The following FTO variants were observed in gnomAD, a reference collection of about 807,000 sequenced individuals.
The protein encoded by FTO is FTO alpha-ketoglutarate dependent dioxygenase.
Under a neutral mutation model 63.9 loss-of-function variants are expected in FTO, and 47 were observed. The observed-to-expected ratio is 0.74, with a 90% CI of 0.58 to 0.94. The LOEUF (loss-of-function observed/expected upper bound fraction) is 0.94. FTO is among the 40% of genes least tolerant of loss of function. The pLI, the probability that FTO is intolerant of heterozygous loss-of-function variation, is 0.00. For missense variants in FTO, 562 were observed against 618.1 expected, an observed-to-expected ratio of 0.91 and a Z score of 0.96; for synonymous variants, 207 against 224.4, an observed-to-expected ratio of 0.92 and a Z score of 0.69.
At chr16:54,048,256 G>GA (rs111381976) in intron 8 of FTO, among the ~76,000 whole-genome samples, 4,002 of 133,944 alleles carry the variant, frequency 0.03, 98 homozygotes, top group Middle Eastern at 0.11. Flanking sequence ...AAAAATACTT[G>GA]AAAAAAAAAA....
At chr16:54,083,740 C>T (rs2144521656) in intron 8 of FTO, among the ~76,000 whole-genome samples, 1 of 152,294 alleles carries the variant, frequency 6.6e-6, no homozygotes. Context: ...TTCCAAAGTG[C>T]ACCACTGCCC....
chr16:53,802,798 T>C (rs1173307982), intron 1 of FTO, among the ~76,000 whole-genome samples: 6 of 152,214 alleles, frequency 3.9e-5, no homozygotes, highest in African/African-American at 1.4e-4. Context: ...TCAGGTTCAT[T>C]ATTCTTTTCT....
intron 7 of FTO, among the ~76,000 whole-genome samples, chr16:53,921,255 T>G (rs139125785): frequency 2.2e-4 from 34 of 152,248 alleles, no homozygotes; most frequent in Admixed American, 6.5e-4. Flanking sequence ...CCTTCCCCTC[T>G]CCCCCAGTGT....
chr16:54,040,274 G>C (rs1466430413), intron 8 of FTO: 1 of 151,998 alleles, frequency 6.6e-6, no homozygotes, highest in Non-Finnish European at 1.5e-5. Context: ...CCAAAAAAAG[G>C]TTTATCAGTG....
chr16:54,089,095 C>T (rs1447504891), intron 8 of FTO, among the ~76,000 whole-genome samples: 1 of 152,202 alleles, frequency 6.6e-6, no homozygotes, highest in African/African-American at 2.4e-5. Flanking sequence ...ACTGTCATTC[C>T]TCTGGACAGG....
At chr16:53,797,536 C>T (rs905672279) in intron 1 of FTO, among the ~76,000 whole-genome samples, 1 of 151,992 alleles carries the variant, frequency 6.6e-6, no homozygotes, top group Non-Finnish European at 1.5e-5. Context: ...TATGGATATA[C>T]CATAATTTCT....
chr16:53,959,866 C>G (rs2083029529), intron 8 of FTO, among the ~76,000 whole-genome samples: 1 of 151,928 alleles, frequency 6.6e-6, no homozygotes, highest in African/African-American at 2.4e-5. Context: ...AAAAGGCTTC[C>G]CAAATGGAAT....
rs2083195624 is a variant in FTO, at chr16:53,966,261, T to A, written c.1364+32152T>A. Among the ~76,000 whole-genome samples the A allele has an allele frequency of 2.6e-5, 4 of 152,224 alleles. No homozygotes were observed. In the South Asian group the frequency reaches 8.3e-4, roughly 31 times the overall value. Reference sequence around the variant, plus strand: ...TTTTTACTGTTTAATTGTCTGCCCCTACCCTGTTCTGGAGAATCTTGTACC... The same window carrying A: ...TTTTTACTGTTTAATTGTCTGCCCCAACCCTGTTCTGGAGAATCTTGTACC... On this transcript the variant is annotated intron_variant, in intron 8 of 8. Transcript: ENST00000471389.
intron 1 of FTO, among the ~76,000 whole-genome samples, chr16:53,733,644 T>A (rs943221076): frequency 1.3e-5 from 2 of 152,302 alleles, no homozygotes; most frequent in South Asian, 4.1e-4. Flanking sequence ...AAGGCTTTTT[T>A]AAGAGAGTAA....
At chr16:53,878,598 A>G (rs977446356) in intron 5 of FTO, among the ~76,000 whole-genome samples, 4 of 152,208 alleles carry the variant, frequency 2.6e-5, no homozygotes, top group Non-Finnish European at 5.9e-5. Flanking sequence ...CTCAGTTTAA[A>G]TTATAAATAA....
chr16:53,924,670 A>T (rs1054289843), intron 7 of FTO, among the ~76,000 whole-genome samples: 2 of 152,170 alleles, frequency 1.3e-5, no homozygotes, highest in Non-Finnish European at 2.9e-5. Flanking sequence ...CGTGGCACCC[A>T]GTGGTGACTT....
chr16:53,821,644 T>C lies in FTO; in HGVS notation c.124-4220T>C, dbSNP rs80308303. 2.9e-3 allele frequency among the ~76,000 whole-genome samples: 436 copies of C among 152,304 alleles called. 1 individual carries two copies. Among genetic ancestry groups the C allele is most frequent in the African/African-American group, 9.9e-3 (411 of 41,562 alleles). On this transcript the variant is annotated intron_variant, in intron 2 of 8. Transcript: ENST00000471389. ...TTCAATTCATGGTCAACACCTCAGA[T>C]AGGCATTTTGAGAAGCAGGGCAGTC...
intron 8 of FTO, chr16:54,040,767 G>A (rs1380982811): frequency 6.6e-6 from 1 of 152,254 alleles, no homozygotes; most frequent in Non-Finnish European, 1.5e-5. Context: ...GATGCGAGAT[G>A]AGAATAGTCA....
chr16:53,813,727 C>T (rs1415834999), intron 2 of FTO, among the ~76,000 whole-genome samples: 1 of 152,168 alleles, frequency 6.6e-6, no homozygotes, highest in Non-Finnish European at 1.5e-5. Flanking sequence ...CATTTTGGGT[C>T]TGTCGATTGA....
chr16:54,097,640 C>T (rs1272020148), intron 8 of FTO, among the ~76,000 whole-genome samples: 3 of 152,186 alleles, frequency 2.0e-5, no homozygotes, highest in African/African-American at 7.2e-5. Flanking sequence ...TTGCTGCTAC[C>T]ATGTGTCAAA....
At chr16:53,876,324 T>C (rs1232968019) in intron 5 of FTO, among the ~76,000 whole-genome samples, 1 of 152,162 alleles carries the variant, frequency 6.6e-6, no homozygotes, top group East Asian at 1.9e-4. Context: ...TTTGTTTCAG[T>C]AAACTTTGGT....
intron 6 of FTO, among the ~76,000 whole-genome samples, chr16:53,880,856 C>T (rs932382197): frequency 1.4e-5 from 2 of 147,942 alleles, no homozygotes; most frequent in Non-Finnish European, 3.0e-5. Context: ...ATAATCCCAG[C>T]ACTTTGGGAG....
At chr16:53,743,870 G>T (rs1305781571) in intron 1 of FTO, among the ~76,000 whole-genome samples, 1 of 151,810 alleles carries the variant, frequency 6.6e-6, no homozygotes, top group Non-Finnish European at 1.5e-5. Context: ...AATAGAGTTT[G>T]GTTGCTTTCA....
At chr16:54,099,682 T>C (rs1380581096) in intron 8 of FTO, among the ~76,000 whole-genome samples, 2 of 152,168 alleles carry the variant, frequency 1.3e-5, no homozygotes, top group African/African-American at 4.8e-5. Context: ...GATAAAATTA[T>C]TCTCAGCCCT....
Sources: allele counts gnomAD v4.1 joint callset (sites outside exome capture counted in the v4.1 genomes callset), GRCh38; gene constraint gnomAD v4.1.1; transcripts MANE v1.5; gene names NCBI Gene and HGNC (gene_info 2026-07-23, HGNC 2026-07-21).